Variants in PTPRQ observed in about 807,000 individuals in gnomAD.
The protein encoded by PTPRQ is phosphatidylinositol phosphatase PTPRQ.
A neutral mutation model predicts 246.0 loss-of-function variants in PTPRQ; 199 were observed. The ratio of observed to expected loss-of-function variants is 0.81; its 90% CI spans 0.72 to 0.91. The LOEUF (loss-of-function observed/expected upper bound fraction) is 0.91. PTPRQ is among the 40% of genes least tolerant of loss of function. The probability of loss-of-function intolerance (pLI) is 0.00; values close to 1 mark genes in which losing one functional copy is unlikely to be tolerated. For synonymous variants in PTPRQ, 869 were observed against 853.2 expected (o/e 1.02, Z -0.32); for missense variants, 2,624 against 2,528.4 (o/e 1.04, Z -0.81).
chr12:80,541,748 A>AAAATACACTGATTATATATTAAAAATTAT lies in PTPRQ; in HGVS notation c.3376_3377insTAAATACACTGATTATATATTAAAAATTA (p.Thr1126IlefsTer8). ...GAAGCATATATTTTGATAATCTGGAAAAATACACTGATTATATATTAAAAA... is the reference window on the plus strand; with the variant it reads ...GAAGCATATATTTTGATAATCTGGAAAAATACACTGATTATATATTAAAAATTATAAATACACTGATTATATATTAAAAA... On this transcript the variant is annotated frameshift_variant, in exon 21 of 45. Transcript: ENST00000644991. LOFTEE classifies it high-confidence loss of function. The AAAATACACTGATTATATATTAAAAATTAT allele has an allele frequency of 6.4e-7, 1 of 1,551,256 alleles. No homozygotes were observed. The highest frequency in any genetic ancestry group is 8.7e-7 in the Non-Finnish European group (1 of 1,146,664).
chr12:80,513,854 G>A (rs1895197889), intron 17 of PTPRQ, among the ~76,000 whole-genome samples: 1 of 152,120 alleles, frequency 6.6e-6, no homozygotes, highest in Non-Finnish European at 1.5e-5. Context: ...TTGAACCTCA[G>A]GTAGCTAGAT....
chr12:80,470,041 A>G (rs908344021), intron 7 of PTPRQ, among the ~76,000 whole-genome samples: 3 of 152,212 alleles, frequency 2.0e-5, no homozygotes, highest in Admixed American at 1.3e-4. Context: ...CAAAGCAGTG[A>G]ATAGAGAGTA....
chr12:80,644,078 C>G (rs1899985029), intron 35 of PTPRQ, among the ~76,000 whole-genome samples: 1 of 152,132 alleles, frequency 6.6e-6, no homozygotes, highest in African/African-American at 2.4e-5. Flanking sequence ...TTTTAATTCC[C>G]TATAGATTTC....
Position 80,632,284 on chromosome 12 carries a change from T to C in PTPRQ, c.5779T>C (p.Phe1927Leu). 6.4e-7 allele frequency: 1 copy of C among 1,551,326 alleles called. No homozygotes were observed. The highest frequency in any genetic ancestry group is 8.7e-7 in the Non-Finnish European group (1 of 1,146,826). The change falls in exon 34 of 45, where the codon TTT (phenylalanine) becomes CTT (leucine). Residue 1927 changes from phenylalanine to leucine, a missense_variant. Coordinates refer to ENST00000644991, the MANE Select transcript of PTPRQ (RefSeq NM_001145026.2). ...TCTCCTTGGAACAGCTATTTTTGCA[T>C]TTGCAAGGTAAGATTTATTTGCGCT... is the stretch of plus-strand genomic sequence containing the variant. The part of the protein sequence containing the change: ...IILLGTAIFA[F>L]ARIRQKQKEG...
chr12:80,581,579 G>A lies in PTPRQ; in HGVS notation c.4286-6550G>A, dbSNP rs538566050. ...GAGCCTGGGAGGTTGAGGCTGCAAT[G>A]AGCCATGATTGTGCCACTGCATTCC... On this transcript the variant is annotated intron_variant, in intron 25 of 44. Coordinates refer to ENST00000644991, the MANE Select transcript of PTPRQ (RefSeq NM_001145026.2). Among the ~76,000 whole-genome samples the A allele has an allele frequency of 1.9e-4, 29 of 152,152 alleles. No individual in the cohort carries two copies. The South Asian group carries it at 5.8e-3, about 30-fold the overall frequency.
chr12:80,642,937 A>AACAAAC (rs1565837040), intron 35 of PTPRQ, among the ~76,000 whole-genome samples: 8 of 149,162 alleles, frequency 5.4e-5, no homozygotes, highest in African/African-American at 1.5e-4. Flanking sequence ...AAAAAAAAAA[A>AACAAAC]AAAAAAAAAC....
chr12:80,676,533 A>G (rs971306873), intron 43 of PTPRQ, among the ~76,000 whole-genome samples: 1 of 152,022 alleles, frequency 6.6e-6, no homozygotes, highest in African/African-American at 2.4e-5. Flanking sequence ...TCCCAGCTAC[A>G]CTGGAGGCTG....
Position 80,450,986 on chromosome 12 carries a change from C to T in PTPRQ, c.390+5269C>T, listed in dbSNP as rs974991712. Among the ~76,000 whole-genome samples the T allele has an allele frequency of 2.8e-4, 42 of 152,288 alleles. 1 individual carries two copies. The highest frequency in any genetic ancestry group is 1.8e-3 in the Admixed American group (27 of 15,306). On this transcript the variant is annotated intron_variant, in intron 3 of 44. Transcript: ENST00000644991. ...TCCTCCTTGTACCTCTGGTAGAATT[C>T]GGCTGTGAATCCGTCTGGTCCTGGA...
intron 28 of PTPRQ, among the ~76,000 whole-genome samples, chr12:80,611,864 ATC>A (rs1433206030): frequency 6.6e-6 from 1 of 150,510 alleles, no homozygotes; most frequent in Non-Finnish European, 1.5e-5. Context: ...ATGCAAAAAT[ATC>A]TCTCTTGAAC....
At chr12:80,457,689 T>G in intron 4 of PTPRQ, 45 bp downstream of exon 4, 1 of 399,852 alleles carries the variant, frequency 2.5e-6, no homozygotes, top group Non-Finnish European at 4.4e-6. Flanking sequence ...GTCATGAGTT[T>G]GTCGTTTAAA....
rs115286176 is a variant in PTPRQ, at chr12:80,454,515, T to C, written c.391-3060T>C. On this transcript the variant is annotated intron_variant, in intron 3 of 44. Coordinates refer to ENST00000644991, the MANE Select transcript of PTPRQ (RefSeq NM_001145026.2). ...CCTTCCAGTACTGTGTTCAATAGGA[T>C]TGGTGAGAGTAGACATCCTACTTTT... The C allele has an allele frequency of 1.8e-3, 1,256 of 702,450 alleles. 11 individuals carry two copies. In the African/African-American group the frequency reaches 0.018, roughly 10 times the overall value. 43.5% of individuals were successfully genotyped at this position (702,450 alleles called of 1,614,324 possible).
rs911413423 is a variant in PTPRQ, at chr12:80,663,024, T to C, written c.6192+4963T>C. On this transcript the variant is annotated intron_variant, in intron 39 of 44. Coordinates refer to ENST00000644991, the MANE Select transcript of PTPRQ (RefSeq NM_001145026.2). ...CATTTTACCTGGTGCTTTACCATTT[T>C]CTGAAATAAATTAGCCATTACAGGA... Among the ~76,000 whole-genome samples, 75 of 152,122 alleles carry C rather than the reference T, an allele frequency of 4.9e-4. 1 individual carries two copies. The highest frequency in any genetic ancestry group is 6.8e-3 in the Middle Eastern group (2 of 294).
intron 34 of PTPRQ, among the ~76,000 whole-genome samples, chr12:80,633,183 C>A (rs775280751): frequency 6.6e-6 from 1 of 152,204 alleles, no homozygotes; most frequent in Non-Finnish European, 1.5e-5. Flanking sequence ...AAAGCAGAAG[C>A]TTTCAGGCCA....
At chr12:80,569,637 T>C (rs1207677008) in intron 25 of PTPRQ, among the ~76,000 whole-genome samples, 1 of 151,768 alleles carries the variant, frequency 6.6e-6, no homozygotes, top group Non-Finnish European at 1.5e-5. Flanking sequence ...GCACAGAACA[T>C]GCAGGTTTCT....
rs1894582664 is a variant in PTPRQ, at chr12:80,495,355, C to T, written c.1866C>T (p.Asn622=). The T allele has an allele frequency of 2.0e-6, 3 of 1,513,288 alleles. No homozygotes were observed. The highest frequency in any genetic ancestry group is 1.4e-5 in the African/African-American group (1 of 70,150). 93.7% of individuals were successfully genotyped at this position (1,513,288 alleles called of 1,614,324 possible). ...CATTCCAGATAACTACCATAGATAA[C>T]AGCTTTCTCATAACAGGTAGAAAAC... ...NRAFQITTID[N]SFLITGLKKY... Residue 622 remains asparagine, a synonymous_variant, in exon 12 of 45, where the codon AAC becomes AAT. Transcript: ENST00000644991.
chr12:80,636,257 G>T (rs1218778499), intron 35 of PTPRQ, among the ~76,000 whole-genome samples: 5 of 152,198 alleles, frequency 3.3e-5, no homozygotes, highest in Non-Finnish European at 7.4e-5. Context: ...TCAGATGATT[G>T]TAAGTTATCC....
chr12:80,484,562 C>G lies in PTPRQ; in HGVS notation c.1316C>G (p.Thr439Arg). ...CGAGTGAAAGTGCTAGTTCCAGAGA[C>G]AGGAATAATTTTGGAAAATACTTTG... ...QYRVKVLVPE[T>R]GIILENTLLT... Residue 439 changes from threonine to arginine, a missense_variant, in exon 9 of 45, where the codon ACA becomes AGA. Coordinates refer to ENST00000644991, the MANE Select transcript of PTPRQ (RefSeq NM_001145026.2). 6.5e-7 allele frequency: 1 copy of G among 1,550,004 alleles called. No individual in the cohort carries two copies. The highest frequency in any genetic ancestry group is 8.7e-7 in the Non-Finnish European group (1 of 1,146,536).
At position 80,673,158 on chromosome 12, in the gene PTPRQ, C is replaced by G. The variant is rs1427001091; in HGVS notation, c.6603-11C>G. 2.6e-6 allele frequency: 4 copies of G among 1,549,314 alleles called. No individual in the cohort carries two copies. The highest frequency in any genetic ancestry group is 2.7e-5 in the African/African-American group (2 of 72,880). On this transcript the variant is annotated splice_polypyrimidine_tract_variant and intron_variant, in intron 42 of 44. Transcript: ENST00000644991. ...GCTGAATAATTTTCATGTAATTTAC[C>G]CTTCCTGTAGTGCTGGAGTTGGAAG...
At chr12:80,520,186 G>A (rs1296848432) in intron 17 of PTPRQ, among the ~76,000 whole-genome samples, 1 of 152,060 alleles carries the variant, frequency 6.6e-6, no homozygotes, top group Non-Finnish European at 1.5e-5. Context: ...CTCATCTCAT[G>A]TTGAATTGTA....
Sources: gnomAD v4.1 joint callset for allele counts (sites outside exome capture counted in the v4.1 genomes callset) on GRCh38, gnomAD v4.1.1 for gene constraint, MANE v1.5 for transcripts, NCBI Gene and HGNC (gene_info 2026-07-23, HGNC 2026-07-21) for gene names.